Variants in TBC1D4 observed in about 807,000 individuals in gnomAD.
The protein encoded by TBC1D4 is TBC (Tre-2, BUB2, CDC16) domain-containing protein.
A neutral mutation model predicts 142.5 loss-of-function variants in TBC1D4; 121 were observed. The observed-to-expected ratio is 0.85, with a 90% CI of 0.73 to 0.99. The LOEUF (loss-of-function observed/expected upper bound fraction) is 0.99, where lower values mean the gene tolerates loss of function less well. TBC1D4 is among the 50% of genes least tolerant of loss of function. TBC1D4 has a pLI of 0.00. For missense variants in TBC1D4, 1,475 were observed against 1,606.6 expected (o/e 0.92, Z 1.40); for synonymous variants, 630 against 628.2 (o/e 1.00, Z -0.04).
chr13:75,294,901 G>A lies in TBC1D4; in HGVS notation c.3269C>T (p.Thr1090Ile). ...PSLYAAPWFLTLFASQFSLGF... is the reference protein window; with the variant it reads ...PSLYAAPWFLILFASQFSLGF... ...TAATGAAAACTGAGAGGCAAACAAT[G>A]TGAGGAACCAGGGGGCAGCATAAAG... is the stretch of plus-strand genomic sequence containing the variant. Residue 1090 changes from threonine to isoleucine, a missense_variant, in exon 18 of 21, where the codon ACA becomes ATA. Thr to Ile is a moderately conservative substitution (Grantham distance 89). Transcript: ENST00000377636. 1.9e-6 allele frequency: 3 copies of A among 1,613,958 alleles called. No homozygotes were observed. Among genetic ancestry groups the A allele is most frequent in the Non-Finnish European group, 2.5e-6 (3 of 1,179,904 alleles).
chr13:75,429,449 A>T (rs938264389), intron 1 of TBC1D4, among the ~76,000 whole-genome samples: 4 of 152,232 alleles, frequency 2.6e-5, no homozygotes, highest in East Asian at 3.8e-4. Context: ...AGGTTGACCC[A>T]GAGCTTTCTG....
chr13:75,334,750 A>AT (rs201571501), intron 8 of TBC1D4, among the ~76,000 whole-genome samples: 2,198 of 151,758 alleles, frequency 0.014, 56 homozygotes, highest in African/African-American at 0.05. Context: ...CACCCGGCTC[A>AT]TTTTTTTGTA....
At chr13:75,324,122 G>T in intron 11 of TBC1D4, 115 bp downstream of exon 11, 2 of 1,200,592 alleles carry the variant, frequency 1.7e-6, no homozygotes, top group Non-Finnish European at 2.4e-6. Context: ...ATTAGAACAA[G>T]CACAACACAG....
intron 1 of TBC1D4, among the ~76,000 whole-genome samples, chr13:75,390,610 C>T (rs572265081): frequency 1.3e-5 from 2 of 152,204 alleles, no homozygotes; most frequent in South Asian, 4.2e-4. Flanking sequence ...GAATCTAACG[C>T]TCTGCCTTGC....
chr13:75,397,589 G>A (rs1273334744), intron 1 of TBC1D4, among the ~76,000 whole-genome samples: 3 of 152,158 alleles, frequency 2.0e-5, no homozygotes, highest in Admixed American at 1.3e-4. Flanking sequence ...TTCTTTTCCT[G>A]TTTGGCTTTT....
At chr13:75,295,104 T>G (rs572306348) in intron 17 of TBC1D4, 91 bp from the exon 18 acceptor site, 1 of 1,225,592 alleles carries the variant, frequency 8.2e-7, no homozygotes, top group East Asian at 2.5e-5. Context: ...TAATATTTAA[T>G]AACAAATTCA....
At chr13:75,344,395 G>A (rs2138091469) in intron 5 of TBC1D4, among the ~76,000 whole-genome samples, 1 of 152,282 alleles carries the variant, frequency 6.6e-6, no homozygotes, top group South Asian at 2.1e-4. Flanking sequence ...AATTGGAATT[G>A]GCTGGAGTTT....
intron 17 of TBC1D4, among the ~76,000 whole-genome samples, chr13:75,298,899 G>A (rs1876230085): frequency 1.3e-5 from 2 of 152,068 alleles, no homozygotes; most frequent in South Asian, 4.2e-4. Flanking sequence ...ACCATAACAT[G>A]GTATCTGCTA....
chr13:75,465,187 C>T (rs1426794399), intron 1 of TBC1D4, among the ~76,000 whole-genome samples: 3 of 152,188 alleles, frequency 2.0e-5, no homozygotes, highest in African/African-American at 7.2e-5. Flanking sequence ...GGAGTCCCAG[C>T]AGTCGGATTC....
At chr13:75,317,251 T>C (rs1238475175) in intron 12 of TBC1D4, among the ~76,000 whole-genome samples, 1 of 152,208 alleles carries the variant, frequency 6.6e-6, no homozygotes, top group Non-Finnish European at 1.5e-5. Flanking sequence ...AACAAAGCTG[T>C]TGGGACCCCC....
chr13:75,410,073 C>T (rs1593855500), intron 1 of TBC1D4, among the ~76,000 whole-genome samples: 1 of 152,318 alleles, frequency 6.6e-6, no homozygotes, highest in African/African-American at 2.4e-5. Context: ...AACAAAATAA[C>T]AGCACTCTCA....
intron 1 of TBC1D4, among the ~76,000 whole-genome samples, chr13:75,398,579 T>G (rs1197619678): frequency 6.6e-6 from 1 of 152,210 alleles, no homozygotes; most frequent in Non-Finnish European, 1.5e-5. Flanking sequence ...ATAACTGGCT[T>G]CCTTTAACTG....
intron 1 of TBC1D4, among the ~76,000 whole-genome samples, chr13:75,453,905 A>C (rs1887628669): frequency 6.6e-6 from 1 of 152,190 alleles, no homozygotes; most frequent in Non-Finnish European, 1.5e-5. Context: ...GAAAAAGAAA[A>C]ATCATATGTG....
intron 3 of TBC1D4, 21 bp from the exon 4 acceptor site, chr13:75,356,272 G>A (rs1163843371): frequency 5.9e-6 from 9 of 1,521,642 alleles, no homozygotes; most frequent in Middle Eastern, 1.7e-4. Context: ...GGGAAGAAGT[G>A]CAATAAAAAT....
intron 1 of TBC1D4, among the ~76,000 whole-genome samples, chr13:75,453,615 A>G (rs981106428): frequency 3.9e-5 from 6 of 152,256 alleles, no homozygotes; most frequent in African/African-American, 1.4e-4. Flanking sequence ...TAATCCCAGC[A>G]CTTTGGGATG....
chr13:75,480,962 C>A lies in TBC1D4; in HGVS notation c.498+308G>T, dbSNP rs114667056. Among the ~76,000 whole-genome samples, 831 of 152,330 alleles carry A rather than the reference C, an allele frequency of 5.5e-3. 14 individuals carry two copies. The highest frequency in any genetic ancestry group is 0.019 in the African/African-American group (801 of 41,578). On this transcript the variant is annotated intron_variant, in intron 1 of 20. Coordinates refer to ENST00000377636, the MANE Select transcript of TBC1D4 (RefSeq NM_014832.5). ...GACACCGCCGTCCTCCCGGGACGGG[C>A]GCTCCTCCACGCGTGCTCCTTGGAC... is the stretch of plus-strand genomic sequence containing the variant.
intron 1 of TBC1D4, among the ~76,000 whole-genome samples, chr13:75,364,620 T>A (rs1157974026): frequency 1.3e-5 from 2 of 152,252 alleles, no homozygotes; most frequent in African/African-American, 4.8e-5. Flanking sequence ...GCCAAAGCTA[T>A]GGAGAGTGAG....
chr13:75,311,625 T>C (rs1181656338), intron 13 of TBC1D4, among the ~76,000 whole-genome samples: 1 of 152,176 alleles, frequency 6.6e-6, no homozygotes, highest in Non-Finnish European at 1.5e-5. Flanking sequence ...TCCGTTTCAA[T>C]AGGTAAGGCT....
chr13:75,360,452 A>T (rs987508323), intron 2 of TBC1D4, among the ~76,000 whole-genome samples: 4 of 152,196 alleles, frequency 2.6e-5, no homozygotes, highest in Non-Finnish European at 5.9e-5. Flanking sequence ...AAGAAAAAAT[A>T]TGAACTTCCA....
Sources: gnomAD v4.1 joint callset for allele counts (sites outside exome capture counted in the v4.1 genomes callset) on GRCh38, gnomAD v4.1.1 for gene constraint, MANE v1.5 for transcripts, NCBI Gene and HGNC (gene_info 2026-07-23, HGNC 2026-07-21) for gene names.